The following PCDHGA4 variants were observed in gnomAD, a reference collection of about 807,000 sequenced individuals.
PCDHGA4 encodes the protein protocadherin gamma subfamily A, 4.
A neutral mutation model predicts 54.6 loss-of-function variants in PCDHGA4; 38 were observed. The ratio of observed to expected loss-of-function variants is 0.70; its 90% confidence interval spans 0.54 to 0.91. The LOEUF (loss-of-function observed/expected upper bound fraction) is 0.91. PCDHGA4 is among the 40% of genes least tolerant of loss of function. The pLI is 0.00. For missense variants in PCDHGA4, 1,298 were observed against 1,220.9 expected (o/e 1.06, Z -0.94); for synonymous variants, 511 against 512.9 (o/e 1.00, Z 0.05).
intron 1 of PCDHGA4, chr5:141,408,283 C>G (rs62378453): frequency 0.09 from 144,952 of 1,612,732 alleles, 7,152 homozygotes; most frequent in African/African-American, 0.18. Flanking sequence ...TGTTCTACCC[C>G]ACCCTGAGTG....
chr5:141,431,702 T>C lies in PCDHGA4; in HGVS notation c.2515-63105T>C, dbSNP rs1349630251. The C allele has an allele frequency of 5.6e-6, 9 of 1,614,110 alleles. No individual in the cohort carries two copies. In the East Asian group the frequency reaches 8.9e-5, roughly 16 times the overall value. Reference sequence around the variant, plus strand: ...GTTGGACCACGAGGAGTCAGGATTCTACCAGATGGAAGTGCAAGCAATGGA... The same window carrying C: ...GTTGGACCACGAGGAGTCAGGATTCCACCAGATGGAAGTGCAAGCAATGGA... On this transcript the variant is annotated intron_variant, in intron 1 of 3. Transcript: ENST00000571252. This position sits in a 1 kb window ranked among gnomAD's most constrained non-coding sequence, Gnocchi z 4.8.
intron 1 of PCDHGA4, chr5:141,411,291 C>G (rs2095478163): frequency 6.6e-6 from 1 of 152,158 alleles, no homozygotes; most frequent in South Asian, 2.1e-4. Context: ...ATTCAGAAGA[C>G]AGGCCCAGTG....
chr5:141,416,718 G>T lies in PCDHGA4; in HGVS notation c.2514+59097G>T, dbSNP rs1202204760. The T allele has an allele frequency of 5.9e-5, 9 of 152,308 alleles. No homozygotes were observed. In the East Asian group the frequency reaches 1.5e-3, roughly 26 times the overall value. The allele number at this position is 152,308 out of a possible 1,614,324, so 9.4% of individuals were successfully genotyped here. On this transcript the variant is annotated intron_variant, in intron 1 of 3. Transcript: ENST00000571252. ...AAAGGATCATTGGAGGTACTGATGAGTTCATTTAGTTCAATGAAAATAGTG... is the reference window on the plus strand; with the variant it reads ...AAAGGATCATTGGAGGTACTGATGATTTCATTTAGTTCAATGAAAATAGTG...
chr5:141,397,087 A>G (rs1386683594), intron 1 of PCDHGA4, among the ~76,000 whole-genome samples: 3 of 152,240 alleles, frequency 2.0e-5, no homozygotes, highest in African/African-American at 7.2e-5. Context: ...AAGTCATTTC[A>G]GATAGGATAA....
Position 141,404,163 on chromosome 5 carries a change from T to C in PCDHGA4, c.2514+46542T>C, listed in dbSNP as rs372897104. The C allele has an allele frequency of 4.6e-5, 74 of 1,613,126 alleles. No homozygotes were observed. The South Asian group carries it at 7.9e-4, about 17-fold the overall frequency. ...AATTCAGAAGAAGATTATTACAGATTGTTGACGGCCCAAATTCTTGACCGA... is the reference window on the plus strand; with the variant it reads ...AATTCAGAAGAAGATTATTACAGATCGTTGACGGCCCAAATTCTTGACCGA... On this transcript the variant is annotated intron_variant, in intron 1 of 3. Transcript: ENST00000571252.
intron 2 of PCDHGA4, among the ~76,000 whole-genome samples, chr5:141,495,994 T>C (rs2099765151): frequency 6.6e-6 from 1 of 152,146 alleles, no homozygotes; most frequent in Non-Finnish European, 1.5e-5. Flanking sequence ...ATCTCTCTTT[T>C]TCTTTTATCT....
At chr5:141,361,247 CGAGAGACAGAGACTCTG>C in intron 1 of PCDHGA4, 4 of 1,613,946 alleles carry the variant, frequency 2.5e-6, no homozygotes, top group Non-Finnish European at 3.4e-6. Context: ...TTGATAAAAA[CGAGAGACAGAGACTCTG>C]GAGAAAATGG....
intron 1 of PCDHGA4, chr5:141,389,114 C>A: frequency 1.2e-6 from 2 of 1,614,004 alleles, no homozygotes; most frequent in Non-Finnish European, 1.7e-6. Flanking sequence ...TTCTAGACCG[C>A]GAGCAGAATC....
chr5:141,404,804 T>A, intron 1 of PCDHGA4: 1 of 1,613,898 alleles, frequency 6.2e-7, no homozygotes, highest in South Asian at 1.1e-5. Context: ...AGGGCTCTTC[T>A]CGGTGGGGCT....
At chr5:141,447,284 C>A (rs979564320) in intron 1 of PCDHGA4, among the ~76,000 whole-genome samples, 1 of 152,124 alleles carries the variant, frequency 6.6e-6, no homozygotes, top group African/African-American at 2.4e-5. Context: ...GGACTACAGG[C>A]ACATGCCACC....
Position 141,384,817 on chromosome 5 carries a change from C to T in PCDHGA4, c.2514+27196C>T, listed in dbSNP as rs373370095. On this transcript the variant is annotated intron_variant, in intron 1 of 3. Coordinates refer to ENST00000571252, the MANE Select transcript of PCDHGA4 (RefSeq NM_018917.4). Reference sequence around the variant, plus strand: ...CCTGCTGGACAGAGATGCCCTCAAGCAGAGCCTCGTGGTGGCCGTCCAGGA... The same window carrying T: ...CCTGCTGGACAGAGATGCCCTCAAGTAGAGCCTCGTGGTGGCCGTCCAGGA... 4.3e-6 allele frequency: 7 copies of T among 1,613,298 alleles called. No homozygotes were observed. In the African/African-American group the frequency reaches 5.3e-5, roughly 12 times the overall value.
chr5:141,399,620 CCTCTT>C (rs1251716471), intron 1 of PCDHGA4: 1 of 1,613,940 alleles, frequency 6.2e-7, no homozygotes, highest in Non-Finnish European at 8.5e-7. Context: ...CTGGCACTGG[CCTCTT>C]ACGTGTCCAT....
chr5:141,402,770 G>A (rs1381501918), intron 1 of PCDHGA4, among the ~76,000 whole-genome samples: 1 of 152,154 alleles, frequency 6.6e-6, no homozygotes, highest in Non-Finnish European at 1.5e-5. Context: ...GACTCCATCC[G>A]GATTTCCAGT....
intron 1 of PCDHGA4, chr5:141,387,998 C>T: frequency 6.7e-7 from 1 of 1,485,204 alleles, no homozygotes; most frequent in South Asian, 1.3e-5. Flanking sequence ...ACAGGATTCC[C>T]GAGGAAATGC....
rs143509166 is a variant in PCDHGA4 at position 141,395,182 on chromosome 5, C to T, written c.2514+37561C>T. On this transcript the variant is annotated intron_variant, in intron 1 of 3. Transcript: ENST00000571252. ...CAGGAGGGCTGTGAGAAAAATGATT[C>T]TTTGTTAACATCCGTAGATTTTCAT... 141 of 1,614,114 alleles carry T rather than the reference C, an allele frequency of 8.7e-5. 2 individuals are homozygous for T. The Middle Eastern group carries it at 1.8e-3, about 21-fold the overall frequency.
chr5:141,371,161 C>T, intron 1 of PCDHGA4: 1 of 1,614,006 alleles, frequency 6.2e-7, no homozygotes, highest in South Asian at 1.1e-5. Context: ...GAGAACCTGC[C>T]CGCTGGCTCC....
At position 141,476,395 on chromosome 5, in the gene PCDHGA4, T is replaced by C. The variant is rs545562470; in HGVS notation, c.2515-18412T>C. 4 of 1,614,020 alleles carry C rather than the reference T, an allele frequency of 2.5e-6. 1 individual carries two copies. In the South Asian group the frequency reaches 4.4e-5, roughly 18 times the overall value. On this transcript the variant is annotated intron_variant, in intron 1 of 3. Transcript: ENST00000571252. This position sits in a 1 kb window ranked among gnomAD's most constrained non-coding sequence, Gnocchi z 7.6. ...AGATGTTTGTGAACGACCGTCTGGATCGAGAGGAGCTGTGTGGGACACTGC... is the reference window on the plus strand; with the variant it reads ...AGATGTTTGTGAACGACCGTCTGGACCGAGAGGAGCTGTGTGGGACACTGC...
chr5:141,378,324 A>G (rs1774802625), intron 1 of PCDHGA4: 1 of 152,258 alleles, frequency 6.6e-6, no homozygotes, highest in African/African-American at 2.4e-5. Flanking sequence ...GGAGTTCGAG[A>G]CCAGCCTGAC....
rs372460685 is a variant in PCDHGA4 at position 141,365,741 on chromosome 5, A to G, written c.2514+8120A>G. 63 of 1,613,506 alleles carry G rather than the reference A, an allele frequency of 3.9e-5. No individual in the cohort carries two copies. In the Middle Eastern group the frequency reaches 1.6e-3, roughly 42 times the overall value. On this transcript the variant is annotated intron_variant, in intron 1 of 3. Coordinates refer to ENST00000571252, the MANE Select transcript of PCDHGA4 (RefSeq NM_018917.4). ...AGAAAACAATCCCAGAGGTGTCTCT[A>G]TCTTCTCTGTGACAGCCCATGACCC...
Sources: allele counts gnomAD v4.1 joint callset (sites outside exome capture counted in the v4.1 genomes callset), GRCh38; gene constraint gnomAD v4.1.1; non-coding constraint Gnocchi (gnomAD v3.1); transcripts MANE v1.5; gene names NCBI Gene and HGNC (gene_info 2026-07-23, HGNC 2026-07-21).